HELB: variants seen among roughly 807,000 people sequenced by gnomAD.
The protein encoded by HELB is DNA 5'-3' helicase B.
A neutral mutation model predicts 101.7 loss-of-function variants in HELB; 96 were observed. The ratio of observed to expected loss-of-function variants is 0.94; its 90% CI spans 0.80 to 1.12. The LOEUF is 1.12. Ranked by LOEUF, HELB falls within the 50% of genes most tolerant of loss-of-function variation. The pLI is 0.00. For synonymous variants in HELB, 437 were observed against 459.7 expected (o/e 0.95, Z 0.63); for missense variants, 1,210 against 1,291.9 (o/e 0.94, Z 0.97).
At chr12:66,322,681 G>A (rs1289353947) in intron 8 of HELB, 43 bp from the exon 9 acceptor site, 8 of 1,359,564 alleles carry the variant, frequency 5.9e-6, no homozygotes, top group Non-Finnish European at 7.3e-6. Flanking sequence ...TAAACCTGTA[G>A]CAGAGACCAT....
At chr12:66,312,306 G>T (rs6581676) in intron 4 of HELB, among the ~76,000 whole-genome samples, 91,393 of 151,972 alleles carry the variant, frequency 0.6, 29,164 homozygotes, top group Middle Eastern at 0.8. Context: ...TACAGATGCT[G>T]TACACTAACA....
intron 4 of HELB, among the ~76,000 whole-genome samples, chr12:66,313,391 GA>G (rs1169164430): frequency 3.9e-5 from 6 of 152,168 alleles, no homozygotes; most frequent in African/African-American, 7.2e-5. Flanking sequence ...TGATGACATA[GA>G]AACATTTTTG....
Position 66,310,591 on chromosome 12 carries a change from G to T in HELB, c.1663G>T (p.Ala555Ser), listed in dbSNP as rs2053532175. 6.2e-7 allele frequency: 1 copy of T among 1,611,110 alleles called. No homozygotes were observed. The highest frequency in any genetic ancestry group is 8.5e-7 in the Non-Finnish European group (1 of 1,179,084). ...GLLRQKTGLHAYTLCQVNYSF... is the reference protein window; with the variant it reads ...GLLRQKTGLHSYTLCQVNYSF... ...ACTAAGACAGAAAACTGGTCTTCAT[G>T]CCTACACACTGTGTCAGGTAAAACC... is the stretch of plus-strand genomic sequence containing the variant. The change falls in exon 4 of 13, where the codon GCC (alanine) becomes TCC (serine). Residue 555 changes from alanine to serine, a missense_variant. Physicochemically the swap from Ala to Ser is moderately conservative, Grantham distance 99. This residue lies in a region of HELB where 740 missense variants were observed against 728.8 expected (regional missense o/e 1.02). Transcript: ENST00000247815.
chr12:66,326,724 A>AT (rs11303554), intron 11 of HELB, among the ~76,000 whole-genome samples: 114 of 147,182 alleles, frequency 7.7e-4, no homozygotes, highest in East Asian at 1.2e-3. Context: ...AATTCAGCTG[A>AT]TTTTTTTTTT....
rs1396653883 is a variant in HELB, at chr12:66,324,990, C to T, written c.2534C>T (p.Thr845Ile). The T allele has an allele frequency of 2.5e-6, 4 of 1,612,138 alleles. No individual in the cohort carries two copies. In the East Asian group the frequency reaches 6.7e-5, roughly 27 times the overall value. The part of the protein sequence containing the change: ...GEIFFITNDV[T>I]DVTFGKRRSL... ...TCTTTGGTTTGGTGACAGGATGTAA[C>T]TGATGTAACTTTTGGAAAGAGAAGA... The change falls in exon 11 of 13, where the codon ACT (threonine) becomes ATT (isoleucine). Residue 845 changes from threonine to isoleucine, a missense_variant. Coordinates refer to ENST00000247815, the MANE Select transcript of HELB (RefSeq NM_001370285.1).
chr12:66,309,877 G>A lies in HELB; in HGVS notation c.949G>A (p.Asp317Asn). The A allele has an allele frequency of 6.2e-7, 1 of 1,614,100 alleles. No homozygotes were observed. The highest frequency in any genetic ancestry group is 1.1e-5 in the South Asian group (1 of 91,058). ...EDGHTYVEVN[D>N]LTLTLSNHMS... ...TGGGCACACATATGTTGAAGTGAAT[G>A]ACTTAACTTTGACATTGTCAAATCA... The change falls in exon 4 of 13, where the codon GAC becomes AAC. Residue 317 changes from aspartate (D) to asparagine (N), a missense_variant. Physicochemically the swap from Asp to Asn is conservative, Grantham distance 23. Transcript: ENST00000247815.
In HELB at chr12:66,329,096, C is replaced by T. The variant is rs556486162; in HGVS notation, c.2671-2058C>T. ...ATTAAAAGTAAATATAGGAAACTTA[C>T]TTCCTTAAGCAGTTTGACAGTTCTG... On this transcript the variant is annotated intron_variant, in intron 11 of 12. Coordinates refer to ENST00000247815, the MANE Select transcript of HELB (RefSeq NM_001370285.1). Among the ~76,000 whole-genome samples, 14 of 152,262 alleles carry T rather than the reference C, an allele frequency of 9.2e-5. No individual in the cohort carries two copies. The Middle Eastern group carries it at 0.014, about 148-fold the overall frequency.
chr12:66,322,098 C>G (rs1387757825), intron 8 of HELB, 69 bp downstream of exon 8: 1 of 635,078 alleles, frequency 1.6e-6, no homozygotes, highest in East Asian at 3.0e-5. Context: ...TAATATAGAT[C>G]CTGTTTGGAT....
chr12:66,336,676 A>G (rs1475512742), intron 12 of HELB, among the ~76,000 whole-genome samples: 5 of 152,168 alleles, frequency 3.3e-5, no homozygotes, highest in African/African-American at 1.2e-4. Context: ...GACACAGGGC[A>G]CGGTGTGTGG....
Position 66,302,781 on chromosome 12 carries a change from T to TA in HELB, c.178_179insA (p.Cys60Ter). 6.2e-7 allele frequency: 1 copy of TA among 1,608,460 alleles called. No homozygotes were observed. Among genetic ancestry groups the TA allele is most frequent in the Non-Finnish European group, 8.5e-7 (1 of 1,176,332 alleles). The change falls in exon 1 of 13, where the codon TGC becomes TAGC. Residue 60 changes from cysteine to a stop codon, truncating the protein, a stop_gained and frameshift_variant. Coordinates refer to ENST00000247815, the MANE Select transcript of HELB (RefSeq NM_001370285.1). LOFTEE classifies it high-confidence loss of function. ...GGVKAGSLPG[C>*]LRVSICDENT... is the part of the protein sequence containing the mutation. ...CGTAAAGGCTGGCAGCCTCCCCGGG[T>TA]GCCTCCGCGGTGAGGAAGGCGTCTG...
intron 12 of HELB, among the ~76,000 whole-genome samples, chr12:66,334,452 A>C (rs2053843383): frequency 1.4e-5 from 2 of 142,176 alleles, no homozygotes; most frequent in Non-Finnish European, 3.0e-5. Flanking sequence ...ACAGACCAAA[A>C]CCCTGTCTCA....
downstream of HELB, chr12:66,339,677 C>G (rs1322689292): frequency 1.3e-5 from 2 of 152,332 alleles, no homozygotes; most frequent in Non-Finnish European, 2.9e-5. Context: ...ATGAGAATCG[C>G]TTGAACCCAG....
At position 66,338,043 on chromosome 12, in the gene HELB, A is replaced by C. The variant is rs767904394; in HGVS notation, c.3205A>C (p.Arg1069=). Residue 1069 remains arginine (R), a synonymous_variant, in exon 13 of 13, where the codon AGA becomes CGA. Coordinates refer to ENST00000247815, the MANE Select transcript of HELB (RefSeq NM_001370285.1). Reference sequence around the variant, plus strand: ...AGTGTCTTCCAGACTTCAGAATTTGAGACTGAATAATTTAATTCCCAGGCA... The same window carrying C: ...AGTGTCTTCCAGACTTCAGAATTTGCGACTGAATAATTTAATTCCCAGGCA... ...PQVSSRLQNL[R]LNNLIPRQLF... The C allele has an allele frequency of 1.2e-6, 2 of 1,605,740 alleles. No homozygotes were observed. The highest frequency in any genetic ancestry group is 1.7e-6 in the Non-Finnish European group (2 of 1,172,716).
intron 5 of HELB, among the ~76,000 whole-genome samples, chr12:66,314,538 A>C (rs1183787287): frequency 6.6e-6 from 1 of 152,178 alleles, no homozygotes; most frequent in Admixed American, 6.6e-5. Flanking sequence ...AAGCTAATAA[A>C]TCAGACCTCA....
At chr12:66,333,530 C>G (rs2053831892) in intron 12 of HELB, among the ~76,000 whole-genome samples, 1 of 151,704 alleles carries the variant, frequency 6.6e-6, no homozygotes, top group Non-Finnish European at 1.5e-5. Flanking sequence ...ACTAAAAATA[C>G]AAAAAATTAG....
chr12:66,306,154 A>G (rs1472342518), intron 2 of HELB, among the ~76,000 whole-genome samples, 191 bp from the exon 3 acceptor site: 1 of 152,258 alleles, frequency 6.6e-6, no homozygotes, highest in Non-Finnish European at 1.5e-5. Flanking sequence ...GTTAAACACA[A>G]TGAAAACCAT....
intron 11 of HELB, 137 bp from the exon 12 acceptor site, chr12:66,331,017 A>C: frequency 1.0e-6 from 1 of 953,716 alleles, no homozygotes. Flanking sequence ...TGGAACCCAT[A>C]AAATGGACAC....
chr12:66,310,074 C>T lies in HELB; in HGVS notation c.1146C>T (p.Val382=), dbSNP rs184385130. ...CTCCTTGGCATTTATGTGTCGATGT[C>T]GAAAAGGTGCTTGCCTCTATTCACA... The part of the protein sequence containing the change: ...KKPPWHLCVD[V]EKVLASIHTT... The change falls in exon 4 of 13, where the codon GTC becomes GTT. Residue 382 remains valine (V), a synonymous_variant. Transcript: ENST00000247815. The T allele has an allele frequency of 5.2e-5, 84 of 1,614,124 alleles. No homozygotes were observed. The East Asian group carries it at 6.2e-4, about 12-fold the overall frequency.
intron 10 of HELB, 49 bp from the exon 11 acceptor site, chr12:66,324,934 G>C (rs376899966): frequency 6.2e-7 from 1 of 1,602,050 alleles, no homozygotes; most frequent in South Asian, 1.1e-5. Flanking sequence ...GTATTTGAAC[G>C]TAGAACATAT....
Sources: allele counts gnomAD v4.1 joint callset (sites outside exome capture counted in the v4.1 genomes callset), GRCh38; gene constraint gnomAD v4.1.1; regional missense constraint gnomAD v4.1.1; transcripts MANE v1.5; gene names NCBI Gene and HGNC (gene_info 2026-07-23, HGNC 2026-07-21).